The following KDM5A variants were observed in gnomAD, a reference collection of about 807,000 sequenced individuals.
KDM5A encodes the protein lysine demethylase 5A.
In KDM5A, 42 loss-of-function variants were observed where a neutral mutation model predicts 193.5. That is an observed-to-expected ratio of 0.22 (90% CI 0.17 to 0.28). The LOEUF is 0.28. KDM5A is among the 10% of genes least tolerant of loss of function. KDM5A has a pLI of 1.00. For synonymous variants in KDM5A, 796 were observed against 718.1 expected (o/e 1.11, Z -1.73); for missense variants, 1,692 against 2,055.1 (o/e 0.82, Z 3.42).
chr12:282,127 G>A lies in KDM5A; in HGVS notation c.*3329C>T. 3.3e-6 allele frequency: 1 copy of A among 299,566 alleles called. No homozygotes were observed. The highest frequency in any genetic ancestry group is 1.0e-3 in the Middle Eastern group (1 of 992). 18.6% of individuals were successfully genotyped at this position (299,566 alleles called of 1,614,324 possible). The stretch of plus-strand genomic sequence containing the variant: ...CACAGAAGCACAGAAGCAAAGCCCA[G>A]GCAGAACCATGCTAACCTTACAGCT... On this transcript the variant is annotated 3_prime_UTR_variant, in exon 28 of 28. Coordinates refer to ENST00000399788, the MANE Select transcript of KDM5A (RefSeq NM_001042603.3).
At chr12:335,042 G>A (rs1424091343) in intron 10 of KDM5A, among the ~76,000 whole-genome samples, 1 of 151,538 alleles carries the variant, frequency 6.6e-6, no homozygotes, top group African/African-American at 2.4e-5. Context: ...CTGACAGGAT[G>A]CAGAAAGTCA....
intron 24 of KDM5A, among the ~76,000 whole-genome samples, chr12:301,431 A>G (rs1387103039): frequency 6.6e-6 from 1 of 152,228 alleles, no homozygotes; most frequent in Non-Finnish European, 1.5e-5. Context: ...TAAAAACCAC[A>G]TGATTATTAT....
intron 18 of KDM5A, among the ~76,000 whole-genome samples, 167 bp from the exon 19 acceptor site, chr12:318,628 T>A (rs1362293124): frequency 6.6e-6 from 1 of 152,258 alleles, no homozygotes; most frequent in African/African-American, 2.4e-5. Context: ...TATGCTTTTG[T>A]GTAATTACTT....
intron 24 of KDM5A, among the ~76,000 whole-genome samples, chr12:300,433 A>G (rs1943427806): frequency 6.6e-6 from 1 of 152,220 alleles, no homozygotes; most frequent in Non-Finnish European, 1.5e-5. Flanking sequence ...CTGAATGACT[A>G]CTGGGTACAT....
At chr12:297,449 T>C (rs2137372646) in intron 24 of KDM5A, among the ~76,000 whole-genome samples, 1 of 152,344 alleles carries the variant, frequency 6.6e-6, no homozygotes, top group South Asian at 2.1e-4. Flanking sequence ...CTGATGAATG[T>C]GTAAGTTAAA....
At chr12:348,478 A>G (rs1182997367) in intron 10 of KDM5A, among the ~76,000 whole-genome samples, 1 of 152,226 alleles carries the variant, frequency 6.6e-6, no homozygotes. Flanking sequence ...TTATTGCGGC[A>G]GTATTCACAA....
chr12:304,637 C>T (rs1943483438), intron 24 of KDM5A, among the ~76,000 whole-genome samples: 1 of 151,850 alleles, frequency 6.6e-6, no homozygotes, highest in Non-Finnish European at 1.5e-5. Context: ...ATTTTTCTAC[C>T]CTGCCAATAC....
At chr12:351,682 T>C (rs993564024) in intron 9 of KDM5A, among the ~76,000 whole-genome samples, 4 of 152,090 alleles carry the variant, frequency 2.6e-5, no homozygotes, top group African/African-American at 9.7e-5. Flanking sequence ...AGCATCAAAA[T>C]AGACAGCTGG....
intron 4 of KDM5A, among the ~76,000 whole-genome samples, chr12:364,768 G>C (rs1172609905): frequency 4.9e-5 from 6 of 121,786 alleles, no homozygotes; most frequent in African/African-American, 1.9e-4. Context: ...CTGGGCGACG[G>C]AGTCTCATCT....
chr12:315,798 A>T (rs1178954543), intron 19 of KDM5A, among the ~76,000 whole-genome samples: 1 of 152,202 alleles, frequency 6.6e-6, no homozygotes, highest in Non-Finnish European at 1.5e-5. Flanking sequence ...GAAACAAAGG[A>T]GGAGGCTATG....
chr12:322,648 A>G, intron 16 of KDM5A, 81 bp from the exon 17 acceptor site: 6 of 1,144,286 alleles, frequency 5.2e-6, no homozygotes, highest in Non-Finnish European at 7.8e-6. Flanking sequence ...AACCTCACTC[A>G]AGTGAGTCCC....
At chr12:382,299 C>T (rs1397754016) in intron 3 of KDM5A, among the ~76,000 whole-genome samples, 1 of 151,910 alleles carries the variant, frequency 6.6e-6, no homozygotes, top group Non-Finnish European at 1.5e-5. Context: ...GGTGTGGTGG[C>T]AGGCACCTGT....
intron 3 of KDM5A, among the ~76,000 whole-genome samples, chr12:383,594 T>G (rs1361852156): frequency 6.6e-6 from 1 of 152,122 alleles, no homozygotes; most frequent in African/African-American, 2.4e-5. Flanking sequence ...AAGATAACAT[T>G]AGCAGGCTAG....
chr12:373,077 G>C (rs1345809667), intron 3 of KDM5A, among the ~76,000 whole-genome samples: 2 of 152,142 alleles, frequency 1.3e-5, no homozygotes, highest in East Asian at 3.9e-4. Flanking sequence ...TCTCTGCCAG[G>C]CTTTGGTATC....
intron 2 of KDM5A, among the ~76,000 whole-genome samples, chr12:385,239 G>C (rs1341829586): frequency 2.1e-5 from 3 of 143,614 alleles, no homozygotes; most frequent in African/African-American, 7.7e-5. Flanking sequence ...GGGGAGAAAA[G>C]AAAAAAAACT....
chr12:330,944 T>C (rs552942663), intron 13 of KDM5A, among the ~76,000 whole-genome samples: 550 of 152,214 alleles, frequency 3.6e-3, no homozygotes, highest in Non-Finnish European at 6.3e-3. Context: ...TATAGTCTTC[T>C]CCCAAGCAAC....
chr12:327,935 G>A (rs1228748707), intron 14 of KDM5A, among the ~76,000 whole-genome samples: 1 of 151,826 alleles, frequency 6.6e-6, no homozygotes, highest in Non-Finnish European at 1.5e-5. Context: ...GATTGTTTGA[G>A]CCCAGAAGTT....
At chr12:309,271 C>G (rs754673142) in intron 22 of KDM5A, among the ~76,000 whole-genome samples, 1 of 152,130 alleles carries the variant, frequency 6.6e-6, no homozygotes, top group African/African-American at 2.4e-5. Flanking sequence ...TTACCAAAAA[C>G]TGGATAATTA....
chr12:325,832 G>A (rs995035206), intron 14 of KDM5A, among the ~76,000 whole-genome samples: 3 of 152,104 alleles, frequency 2.0e-5, no homozygotes, highest in African/African-American at 7.2e-5. Flanking sequence ...CGGCTAACAT[G>A]GTGAAACCCT....
Sources: gnomAD v4.1 joint callset for allele counts (sites outside exome capture counted in the v4.1 genomes callset) on GRCh38, gnomAD v4.1.1 for gene constraint, MANE v1.5 for transcripts, NCBI Gene and HGNC (gene_info 2026-07-23, HGNC 2026-07-21) for gene names.